CADPS2: variants seen among roughly 807,000 people sequenced by gnomAD.
CADPS2 encodes the protein calcium dependent secretion activator 2.
A neutral mutation model predicts 172.5 loss-of-function variants in CADPS2; 93 were observed. The ratio of observed to expected loss-of-function variants is 0.54; its 90% CI spans 0.46 to 0.64. CADPS2 has a LOEUF of 0.64. Ranked by LOEUF, CADPS2 falls within the 30% of genes least tolerant of loss-of-function variation. The pLI, the probability that CADPS2 is intolerant of heterozygous loss-of-function variation, is 0.00. For missense variants in CADPS2, 1,420 were observed against 1,565.9 expected (o/e 0.91, Z 1.57); for synonymous variants, 546 against 555.2 (o/e 0.98, Z 0.23).
intron 3 of CADPS2, among the ~76,000 whole-genome samples, chr7:122,645,316 T>C (rs1160647097): frequency 2.3e-5 from 3 of 128,450 alleles, no homozygotes; most frequent in African/African-American, 5.5e-5. Context: ...TACATGTGTG[T>C]ATACATGTAC....
At chr7:122,695,521 C>T (rs772186611) in intron 2 of CADPS2, among the ~76,000 whole-genome samples, 8 of 152,154 alleles carry the variant, frequency 5.3e-5, no homozygotes, top group African/African-American at 1.2e-4. Context: ...ATTCTAAACA[C>T]TAAGATTAAA....
chr7:122,869,779 G>A (rs992714738), intron 1 of CADPS2, among the ~76,000 whole-genome samples: 8 of 152,016 alleles, frequency 5.3e-5, no homozygotes, highest in African/African-American at 1.9e-4. Flanking sequence ...TTTGCTAACT[G>A]ACACAAACAG....
At chr7:122,701,917 A>G (rs771694350) in intron 2 of CADPS2, 76 of 1,613,668 alleles carry the variant, frequency 4.7e-5, no homozygotes, top group Non-Finnish European at 5.9e-5. Flanking sequence ...TATGGAAAAA[A>G]TGTTTGCAAG....
intron 6 of CADPS2, among the ~76,000 whole-genome samples, chr7:122,593,187 A>G (rs973112392): frequency 2.3e-4 from 35 of 152,120 alleles, no homozygotes; most frequent in African/African-American, 8.2e-4. Context: ...ATACTACTCT[A>G]TATTTTCAAC....
At chr7:122,811,771 C>G (rs147465328) in intron 1 of CADPS2, among the ~76,000 whole-genome samples, 2 of 151,954 alleles carry the variant, frequency 1.3e-5, no homozygotes, top group African/African-American at 2.4e-5. Flanking sequence ...TACCTAAGTA[C>G]GTCAACATAT....
chr7:122,775,266 T>A (rs938870672), intron 1 of CADPS2, among the ~76,000 whole-genome samples: 3 of 152,244 alleles, frequency 2.0e-5, no homozygotes, highest in Non-Finnish European at 4.4e-5. Context: ...CAAATTAGTC[T>A]GCCATAGCGT....
At chr7:122,570,149 T>C (rs1405606351) in intron 7 of CADPS2, among the ~76,000 whole-genome samples, 4 of 149,548 alleles carry the variant, frequency 2.7e-5, no homozygotes, top group Non-Finnish European at 4.4e-5. Flanking sequence ...GAAGGGCTAA[T>C]ATCCAGAATC....
At chr7:122,765,637 C>A (rs918563281) in intron 1 of CADPS2, among the ~76,000 whole-genome samples, 2 of 152,052 alleles carry the variant, frequency 1.3e-5, no homozygotes, top group Non-Finnish European at 2.9e-5. Flanking sequence ...AATAACATGT[C>A]CTCTATATAG....
intron 20 of CADPS2, among the ~76,000 whole-genome samples, chr7:122,405,127 A>G (rs1167422715): frequency 6.6e-6 from 1 of 151,590 alleles, no homozygotes; most frequent in African/African-American, 2.4e-5. Context: ...TCAAAAACAA[A>G]AAACAAAAAA....
Position 122,388,654 on chromosome 7 carries a change from C to T in CADPS2, c.3093G>A (p.Gln1031=). The T allele has an allele frequency of 1.2e-6, 2 of 1,611,234 alleles. No homozygotes were observed. Among genetic ancestry groups the T allele is most frequent in the Non-Finnish European group, 1.7e-6 (2 of 1,178,388 alleles). Residue 1031 remains glutamine (Q), a synonymous_variant, in exon 23 of 30, where the codon CAG becomes CAA. Transcript: ENST00000449022. ...TTTGCTCTAAGTGGTGGGCAAATTC[C>T]TGTTCTGGCCAGTGCAGATCAAAGA... ...MFVFDLHWPE[Q]EFAHHLEQRL... is the part of the protein sequence containing the mutation.
chr7:122,372,691 T>C (rs929054252), intron 25 of CADPS2, among the ~76,000 whole-genome samples: 2 of 152,216 alleles, frequency 1.3e-5, no homozygotes, highest in African/African-American at 4.8e-5. Context: ...ATCTACTTTA[T>C]GTTGAGTTAA....
intron 1 of CADPS2, among the ~76,000 whole-genome samples, chr7:122,838,976 T>C (rs1013659891): frequency 2.0e-5 from 3 of 152,054 alleles, no homozygotes; most frequent in Non-Finnish European, 2.9e-5. Flanking sequence ...GCCAAGACAA[T>C]CCTAAGCCAA....
intron 29 of CADPS2, among the ~76,000 whole-genome samples, chr7:122,321,044 AG>A (rs774982946): frequency 6.6e-6 from 1 of 152,242 alleles, no homozygotes; most frequent in Non-Finnish European, 1.5e-5. Context: ...TATCAAAAAT[AG>A]AGTACCATGT....
chr7:122,701,635 A>G (rs553614035), intron 2 of CADPS2: 173 of 406,996 alleles, frequency 4.3e-4, no homozygotes, highest in Middle Eastern at 3.3e-3. Context: ...AAAACAATTA[A>G]AACTGATTAG....
chr7:122,817,204 G>A (rs939763292), intron 1 of CADPS2, among the ~76,000 whole-genome samples: 1 of 152,126 alleles, frequency 6.6e-6, no homozygotes, highest in Admixed American at 6.5e-5. Context: ...CGGATGGGGG[G>A]ACCTCCCTTG....
chr7:122,573,772 C>A (rs958038791), intron 7 of CADPS2, among the ~76,000 whole-genome samples: 1 of 152,074 alleles, frequency 6.6e-6, no homozygotes, highest in Non-Finnish European at 1.5e-5. Flanking sequence ...TAAGAAGATT[C>A]AAACATTTTA....
intron 14 of CADPS2, among the ~76,000 whole-genome samples, chr7:122,452,571 T>C (rs1293641725): frequency 6.6e-6 from 1 of 152,110 alleles, no homozygotes; most frequent in Non-Finnish European, 1.5e-5. Context: ...AATTTTTGTA[T>C]TTTTAGTAGA....
At chr7:122,351,463 G>A (rs953143851) in intron 27 of CADPS2, among the ~76,000 whole-genome samples, 5 of 143,624 alleles carry the variant, frequency 3.5e-5, no homozygotes, top group Non-Finnish European at 7.5e-5. Flanking sequence ...GTTAAATTTA[G>A]CGGTATTCAA....
At chr7:122,390,600 C>T (rs10256281) in intron 22 of CADPS2, among the ~76,000 whole-genome samples, 58,758 of 151,766 alleles carry the variant, frequency 0.39, 12,079 homozygotes, top group African/African-American at 0.54. Context: ...TGGCAATCTT[C>T]ATAGAGAATA....
Sources: gnomAD v4.1 joint callset for allele counts (sites outside exome capture counted in the v4.1 genomes callset) on GRCh38, gnomAD v4.1.1 for gene constraint, MANE v1.5 for transcripts, NCBI Gene and HGNC (gene_info 2026-07-23, HGNC 2026-07-21) for gene names.